Variants in HGF observed in about 807,000 individuals in gnomAD.
HGF encodes the protein fibroblast-derived tumor cytotoxic factor.
In HGF, 39 loss-of-function variants were observed where a neutral mutation model predicts 111.6. The observed-to-expected ratio is 0.35, with a 90% CI of 0.27 to 0.46. The LOEUF (loss-of-function observed/expected upper bound fraction) is 0.46, where lower values mean the gene tolerates loss of function less well. Among genes scored for constraint, HGF ranks in the 20% least tolerant of loss-of-function variants. The pLI is 1.00. For synonymous variants in HGF, 285 were observed against 294.8 expected (o/e 0.97, Z 0.34); for missense variants, 735 against 910.5 (o/e 0.81, Z 2.48).
Position 81,710,238 on chromosome 7 carries a change from C to A in HGF, c.1450G>T (p.Val484Leu), listed in dbSNP as rs571102402. The A allele has an allele frequency of 2.5e-6, 4 of 1,609,308 alleles. No individual in the cohort carries two copies. In the South Asian group the frequency reaches 4.4e-5, roughly 18 times the overall value. The change falls in exon 13 of 18, where the codon GTA becomes TTA. Residue 484 changes from valine to leucine, a missense_variant. Transcript: ENST00000222390. ...TPTIVNLDHP[V>L]ISCAKTKQLR... The stretch of plus-strand genomic sequence containing the variant: ...TGTTTCGTTTTGGCACAAGATATTA[C>A]GGGATCTGAAACAGGACCAAACATA...
intron 9 of HGF, among the ~76,000 whole-genome samples, chr7:81,722,864 T>TATA (rs1562880116): frequency 6.7e-6 from 1 of 149,376 alleles, no homozygotes; most frequent in African/African-American, 2.5e-5. Flanking sequence ...TATATATATG[T>TATA]TGCATTGCAA....
At chr7:81,756,749 C>T (rs536142460) in intron 4 of HGF, 23 of 185,928 alleles carry the variant, frequency 1.2e-4, no homozygotes, top group African/African-American at 4.3e-4. Context: ...AAGTAAGATT[C>T]GTCAAGGGCT....
intron 11 of HGF, among the ~76,000 whole-genome samples, chr7:81,712,730 G>A (rs1478915400): frequency 6.6e-6 from 1 of 152,130 alleles, no homozygotes; most frequent in Non-Finnish European, 1.5e-5. Flanking sequence ...GTCAATCCCT[G>A]GAAATGCCCT....
chr7:81,714,685 A>C (rs1789664620), intron 11 of HGF, among the ~76,000 whole-genome samples: 1 of 151,986 alleles, frequency 6.6e-6, no homozygotes, highest in East Asian at 1.9e-4. Context: ...TATGTAAAAT[A>C]TTATTTTGTA....
intron 7 of HGF, among the ~76,000 whole-genome samples, chr7:81,735,406 G>A (rs1010249025): frequency 3.3e-5 from 5 of 151,962 alleles, no homozygotes; most frequent in Non-Finnish European, 7.4e-5. Flanking sequence ...GGGTATTGAC[G>A]GCATTGTTTT....
intron 7 of HGF, among the ~76,000 whole-genome samples, chr7:81,741,613 G>A (rs1788007498): frequency 6.6e-6 from 1 of 150,464 alleles, no homozygotes. Flanking sequence ...GTGTGTGTGT[G>A]TATAGGTTTT....
intron 12 of HGF, 24 bp downstream of exon 12, chr7:81,711,456 CT>C: frequency 7.3e-7 from 1 of 1,364,148 alleles, no homozygotes. Context: ...TCAGAATATA[CT>C]TTATATTGTG....
At chr7:81,708,524 C>CTTTTTTTTTTTTTTTTTTTTTTTTTTTTT (rs3081099) in intron 13 of HGF, among the ~76,000 whole-genome samples, 1 of 72,486 alleles carries the variant, frequency 1.4e-5, no homozygotes, top group African/African-American at 5.7e-5. Context: ...TTCCTTCCTT[C>CTTTTTTTTTTTTTTTTTTTTTTTTTTTTT]TTTTTTTTTT....
intron 8 of HGF, among the ~76,000 whole-genome samples, chr7:81,727,198 G>T (rs1409421213): frequency 2.7e-5 from 3 of 110,824 alleles, no homozygotes; most frequent in Admixed American, 1.0e-4. Flanking sequence ...CTGCCACCAC[G>T]CCCGGCTAAT....
intron 1 of HGF, among the ~76,000 whole-genome samples, chr7:81,767,294 A>G (rs1789410831): frequency 6.6e-6 from 1 of 150,708 alleles, no homozygotes; most frequent in Non-Finnish European, 1.5e-5. Context: ...AAATGAAAAA[A>G]GAAAAAAAAA....
chr7:81,742,993 G>A (rs770008674), intron 7 of HGF: 14 of 1,573,256 alleles, frequency 8.9e-6, no homozygotes, highest in African/African-American at 1.3e-5. Context: ...TGGAAGGTAA[G>A]GAACTAAGGT....
chr7:81,706,042 T>G (rs1227479795), intron 15 of HGF, among the ~76,000 whole-genome samples: 1 of 151,936 alleles, frequency 6.6e-6, no homozygotes, highest in Non-Finnish European at 1.5e-5. Context: ...AGTTTCCATT[T>G]TAAAACAGAC....
chr7:81,769,789 G>A (rs1584029606), intron 1 of HGF, 95 bp downstream of exon 1: 3 of 907,978 alleles, frequency 3.3e-6, no homozygotes, highest in Admixed American at 2.0e-5. Context: ...AGGATGCTGG[G>A]AATAGGGTAA....
chr7:81,770,028 C>A lies in HGF; in HGVS notation c.-57G>T. ...GGAGGAGATGCCTGGGTGAAAGAAT[C>A]CTGTTCGGAGTCAGTGCCTAAAAGA... On this transcript the variant is annotated 5_prime_UTR_variant, in exon 1 of 18. Coordinates refer to ENST00000222390, the MANE Select transcript of HGF (RefSeq NM_000601.6). 2 of 1,327,162 alleles carry A rather than the reference C, an allele frequency of 1.5e-6. No individual in the cohort carries two copies. The highest frequency in any genetic ancestry group is 2.1e-6 in the Non-Finnish European group (2 of 947,406). 82.2% of individuals were successfully genotyped at this position (1,327,162 alleles called of 1,614,324 possible). A position where few individuals can be genotyped will look rare whatever the true frequency, so the allele number is the denominator to read the frequency against.
intron 4 of HGF, among the ~76,000 whole-genome samples, chr7:81,754,923 T>C (rs1788688214): frequency 6.6e-6 from 1 of 152,116 alleles, no homozygotes; most frequent in African/African-American, 2.4e-5. Context: ...TACACTATTT[T>C]TGGTTCTCTG....
chr7:81,754,958 G>A (rs1788689426), intron 4 of HGF, among the ~76,000 whole-genome samples: 1 of 152,072 alleles, frequency 6.6e-6, no homozygotes, highest in Non-Finnish European at 1.5e-5. Flanking sequence ...AAGGCTTTAA[G>A]AGAGACAAGT....
At chr7:81,734,850 C>T (rs1787774629) in intron 7 of HGF, among the ~76,000 whole-genome samples, 2 of 152,020 alleles carry the variant, frequency 1.3e-5, no homozygotes, top group Admixed American at 6.6e-5. Context: ...AACATCCCCA[C>T]CAAAAGAAAA....
intron 4 of HGF, among the ~76,000 whole-genome samples, chr7:81,754,906 T>C (rs975518104): frequency 3.9e-5 from 6 of 152,122 alleles, no homozygotes; most frequent in Non-Finnish European, 8.8e-5. Flanking sequence ...AAGCATTTAT[T>C]CATATATACA....
intron 1 of HGF, among the ~76,000 whole-genome samples, chr7:81,768,285 C>T (rs1225497354): frequency 6.6e-6 from 1 of 152,198 alleles, no homozygotes; most frequent in Non-Finnish European, 1.5e-5. Context: ...AGAACAGTGA[C>T]ATTTTAATCT....
Sources: gnomAD v4.1 joint callset for allele counts (sites outside exome capture counted in the v4.1 genomes callset) on GRCh38, gnomAD v4.1.1 for gene constraint, MANE v1.5 for transcripts, NCBI Gene and HGNC (gene_info 2026-07-23, HGNC 2026-07-21) for gene names.